Variants in AP4S1 observed in about 807,000 individuals in gnomAD.
AP4S1 encodes adaptor related protein complex 4 subunit sigma 1.
In AP4S1, 23 loss-of-function variants were observed where a neutral mutation model predicts 19.8. The observed-to-expected ratio is 1.16, with a 90% confidence interval of 0.84 to 1.65. The LOEUF is 1.65. Among genes scored for constraint, AP4S1 ranks in the 40% most tolerant of loss-of-function variants. The probability of loss-of-function intolerance (pLI) is 0.00; values close to 1 mark genes in which losing one functional copy is unlikely to be tolerated. For synonymous variants in AP4S1, 46 were observed against 54.1 expected (o/e 0.85, Z 0.66); for missense variants, 166 against 172.8 (o/e 0.96, Z 0.22).
chr14:31,025,887 C>A, intron 1 of AP4S1, 100 bp downstream of exon 1: 1 of 1,594,074 alleles, frequency 6.3e-7, no homozygotes. Flanking sequence ...TCCCGCACAC[C>A]GACCCCAACG....
At chr14:31,084,276 CCT>C (rs1887810069) in intron 5 of AP4S1, among the ~76,000 whole-genome samples, 2 of 152,282 alleles carry the variant, frequency 1.3e-5, no homozygotes, top group South Asian at 2.1e-4. Context: ...CAGGAAGCCC[CCT>C]GTCTTTTTCT....
At chr14:31,048,093 A>ATTT (rs1160411626) in intron 1 of AP4S1, among the ~76,000 whole-genome samples, 3 of 136,470 alleles carry the variant, frequency 2.2e-5, no homozygotes, top group Non-Finnish European at 4.8e-5. Context: ...TATTTCTTTA[A>ATTT]TTTTTTTTTT....
Position 31,073,423 on chromosome 14 carries a change from G to A in AP4S1, c.294+450G>A, listed in dbSNP as rs559835191. On this transcript the variant is annotated intron_variant, in intron 4 of 5. Transcript: ENST00000542754. ...GAGAATGGCGTGAACCCGGGAGGCGGAGCTTGCAGTGAGCCGAGATCCCGC... is the reference window on the plus strand; with the variant it reads ...GAGAATGGCGTGAACCCGGGAGGCGAAGCTTGCAGTGAGCCGAGATCCCGC... Among the ~76,000 whole-genome samples the A allele has an allele frequency of 4.5e-3, 621 of 137,860 alleles. 14 individuals carry two copies. The highest frequency in any genetic ancestry group is 0.015 in the African/African-American group (576 of 39,118). 90.4% of individuals were successfully genotyped at this position (137,860 alleles called of 152,430 possible).
chr14:31,086,840 C>T lies in AP4S1; in HGVS notation c.307-6067C>T, dbSNP rs117827008. Among the ~76,000 whole-genome samples the T allele has an allele frequency of 4.3e-4, 66 of 152,172 alleles. No homozygotes were observed. The East Asian group carries it at 0.012, about 29-fold the overall frequency. On this transcript the variant is annotated intron_variant, in intron 5 of 5. Transcript: ENST00000542754. ...AACCTACACAATCATCAGGTAAAAA[C>T]CTCACTTTTAAAAATTAATGTAAAA...
intron 4 of AP4S1, among the ~76,000 whole-genome samples, chr14:31,076,915 G>T (rs115582086): frequency 3.9e-4 from 60 of 152,194 alleles, no homozygotes; most frequent in South Asian, 8.3e-4. Flanking sequence ...AAGTAGCAGC[G>T]GCACAAGCTT....
Position 31,073,247 on chromosome 14 carries a change from T to G in AP4S1, c.294+274T>G. ...GGCTCACGCCTGTAATCCCAGCACT[T>G]TGGGAGGCTAAGGTGGGCAGATCAC... is the stretch of plus-strand genomic sequence containing the variant. On this transcript the variant is annotated intron_variant, in intron 4 of 5. Coordinates refer to ENST00000542754, the MANE Select transcript of AP4S1 (RefSeq NM_001128126.3). 6 of 367,900 alleles carry G rather than the reference T, an allele frequency of 1.6e-5. 1 individual carries two copies. The highest frequency in any genetic ancestry group is 1.4e-4 in the South Asian group (6 of 41,694). 22.8% of individuals were successfully genotyped at this position (367,900 alleles called of 1,614,324 possible).
intron 4 of AP4S1, among the ~76,000 whole-genome samples, chr14:31,074,311 C>T (rs1438160403): frequency 1.4e-5 from 2 of 147,794 alleles, no homozygotes; most frequent in Non-Finnish European, 3.0e-5. Context: ...AGTGACAGGG[C>T]GAGACTCCGT....
chr14:31,059,273 C>G (rs1886300888), intron 1 of AP4S1, among the ~76,000 whole-genome samples: 2 of 152,166 alleles, frequency 1.3e-5, no homozygotes, highest in African/African-American at 4.8e-5. Context: ...ACTTAACATC[C>G]TAATGAATAT....
At chr14:31,041,364 G>T (rs1225518885) in intron 1 of AP4S1, among the ~76,000 whole-genome samples, 1 of 152,026 alleles carries the variant, frequency 6.6e-6, no homozygotes, top group Non-Finnish European at 1.5e-5. Context: ...TAGCCAGGCT[G>T]GTCTCAAACT....
intron 3 of AP4S1, 142 bp downstream of exon 3, chr14:31,070,071 T>A (rs1886919982): frequency 1.4e-6 from 1 of 727,236 alleles, no homozygotes; most frequent in Middle Eastern, 3.0e-4. Context: ...CTCAGCTCAC[T>A]GCAACCTCCA....
intron 1 of AP4S1, among the ~76,000 whole-genome samples, chr14:31,055,742 T>C (rs1213032951): frequency 6.6e-6 from 1 of 152,210 alleles, no homozygotes; most frequent in African/African-American, 2.4e-5. Flanking sequence ...GTGTGTATTA[T>C]TACAATGTTA....
intron 1 of AP4S1, among the ~76,000 whole-genome samples, chr14:31,035,338 G>T (rs982309499): frequency 6.6e-6 from 1 of 150,850 alleles, no homozygotes; most frequent in Non-Finnish European, 1.5e-5. Flanking sequence ...GGGATTACAA[G>T]CACACGCCGC....
intron 4 of AP4S1, among the ~76,000 whole-genome samples, chr14:31,076,577 A>G (rs1168276702): frequency 6.6e-6 from 1 of 152,244 alleles, no homozygotes; most frequent in Non-Finnish European, 1.5e-5. Context: ...CTTATCAGAT[A>G]TATGATTTGA....
chr14:31,083,062 T>TA (rs1887736436), intron 5 of AP4S1, among the ~76,000 whole-genome samples: 1 of 152,164 alleles, frequency 6.6e-6, no homozygotes, highest in Admixed American at 6.5e-5. Flanking sequence ...GGTGAAGGGA[T>TA]ATGTATTATA....
rs1326956483 is a variant in AP4S1, at chr14:31,093,970, G to T, written c.*935G>T. On this transcript the variant is annotated 3_prime_UTR_variant, in exon 6 of 6. Coordinates refer to ENST00000542754, the MANE Select transcript of AP4S1 (RefSeq NM_001128126.3). The stretch of plus-strand genomic sequence containing the variant: ...TGCGACTACAGGCATGTAGTCCCCA[G>T]GAGACTGAGCTGTGATTACAGATGT... 6.6e-6 allele frequency: 1 copy of T among 152,264 alleles called. No individual in the cohort carries two copies. The highest frequency in any genetic ancestry group is 2.4e-5 in the African/African-American group (1 of 41,424). 9.4% of individuals were successfully genotyped at this position (152,264 alleles called of 1,614,324 possible).
chr14:31,047,842 A>G (rs907684817), intron 1 of AP4S1, among the ~76,000 whole-genome samples: 2 of 151,876 alleles, frequency 1.3e-5, no homozygotes, highest in Admixed American at 6.6e-5. Context: ...TGACTGCCAC[A>G]CCCGGTTAAT....
At chr14:31,029,584 G>C (rs1360478557) in intron 1 of AP4S1, among the ~76,000 whole-genome samples, 1 of 152,180 alleles carries the variant, frequency 6.6e-6, no homozygotes, top group Non-Finnish European at 1.5e-5. Flanking sequence ...TTCGGAGACA[G>C]AGGTGAGAGG....
intron 1 of AP4S1, among the ~76,000 whole-genome samples, chr14:31,036,734 C>G (rs1884796982): frequency 1.3e-5 from 2 of 152,192 alleles, no homozygotes; most frequent in South Asian, 4.1e-4. Context: ...GTTTCACACT[C>G]ACTTCTAGTG....
In AP4S1 at chr14:31,078,906, C is replaced by T. The variant is rs17097701; in HGVS notation, c.295-1667C>T. On this transcript the variant is annotated intron_variant, in intron 4 of 5. Transcript: ENST00000542754. ...ATAGGATCTGTCCCCCTCACAGAGA[C>T]GGCCTTGTCATGTAAGATTTATTTT... Among the ~76,000 whole-genome samples the T allele has an allele frequency of 5.2e-3, 789 of 152,292 alleles. 7 individuals are homozygous for T. The highest frequency in any genetic ancestry group is 0.017 in the African/African-American group (719 of 41,560).
Sources: gnomAD v4.1 joint callset for allele counts (sites outside exome capture counted in the v4.1 genomes callset) on GRCh38, gnomAD v4.1.1 for gene constraint, MANE v1.5 for transcripts, NCBI Gene and HGNC (gene_info 2026-07-23, HGNC 2026-07-21) for gene names.